The following GNAQ variants were observed in gnomAD, a reference collection of about 807,000 sequenced individuals.
GNAQ encodes the protein guanine nucleotide-binding protein G(q) subunit alpha.
GNAQ carries 8 observed loss-of-function variants against 43.9 expected under a neutral mutation model. The observed-to-expected ratio is 0.18, with a 90% CI of 0.11 to 0.33. The LOEUF (loss-of-function observed/expected upper bound fraction) is 0.33, where lower values mean the gene tolerates loss of function less well. GNAQ is among the 10% of genes least tolerant of loss of function. The probability of loss-of-function intolerance (pLI) is 1.00; values close to 1 mark genes in which losing one functional copy is unlikely to be tolerated. For missense variants in GNAQ, 158 were observed against 450.8 expected (o/e 0.35, Z 5.88); for synonymous variants, 155 against 170.7 (o/e 0.91, Z 0.71).
intron 1 of GNAQ, among the ~76,000 whole-genome samples, chr9:77,995,470 G>A (rs903293511): frequency 6.6e-6 from 1 of 152,140 alleles, no homozygotes; most frequent in Admixed American, 6.6e-5. Flanking sequence ...GTGAGAGGGT[G>A]AGGGCAGAAG....
intron 1 of GNAQ, among the ~76,000 whole-genome samples, chr9:78,017,303 C>A (rs746920671): frequency 7.9e-5 from 12 of 152,264 alleles, no homozygotes; most frequent in Non-Finnish European, 1.2e-4. Flanking sequence ...TCAAAACTGG[C>A]TTTCGTGAGC....
At position 78,007,946 on chromosome 9, in the gene GNAQ, C is replaced by T. The variant is rs528501794; in HGVS notation, c.136+23154G>A. 2.0e-5 allele frequency among the ~76,000 whole-genome samples: 3 copies of T among 152,156 alleles called. No individual in the cohort carries two copies. In the East Asian group the frequency reaches 5.8e-4, roughly 29 times the overall value. On this transcript the variant is annotated intron_variant, in intron 1 of 6. Coordinates refer to ENST00000286548, the MANE Select transcript of GNAQ (RefSeq NM_002072.5). ...CAATTTTTAAACACTGGTGTGAAGG[C>T]CAAAATTTTTTTTGGAATAATTCTC...
intron 2 of GNAQ, among the ~76,000 whole-genome samples, chr9:77,857,541 G>A: frequency 7.2e-6 from 1 of 139,210 alleles, no homozygotes; most frequent in Non-Finnish European, 1.6e-5. Flanking sequence ...AGGGAAGAAG[G>A]AAGGGAGGGA....
intron 5 of GNAQ, among the ~76,000 whole-genome samples, chr9:77,778,234 C>T (rs565165150): frequency 3.9e-5 from 6 of 151,922 alleles, no homozygotes; most frequent in Admixed American, 2.0e-4. Context: ...CACACACACA[C>T]ACACACACGT....
chr9:78,010,069 G>C (rs1241425378), intron 1 of GNAQ, among the ~76,000 whole-genome samples: 1 of 152,152 alleles, frequency 6.6e-6, no homozygotes, highest in African/African-American at 2.4e-5. Flanking sequence ...CGAATGTCAG[G>C]GAGGAAAGAC....
intron 1 of GNAQ, among the ~76,000 whole-genome samples, chr9:77,997,581 G>T (rs1038733025): frequency 1.3e-5 from 2 of 152,086 alleles, no homozygotes; most frequent in African/African-American, 2.4e-5. Context: ...TGATCAGAAC[G>T]GGATCCCCTT....
At chr9:77,851,546 G>A (rs1827676137) in intron 2 of GNAQ, among the ~76,000 whole-genome samples, 1 of 152,202 alleles carries the variant, frequency 6.6e-6, no homozygotes, top group African/African-American at 2.4e-5. Context: ...GTGACATCAA[G>A]TGAGTCTTAA....
At chr9:77,964,303 G>A (rs1426260483) in intron 1 of GNAQ, among the ~76,000 whole-genome samples, 2 of 152,012 alleles carry the variant, frequency 1.3e-5, no homozygotes. Flanking sequence ...AGAGAGAAAC[G>A]GACAAGTCTA....
intron 2 of GNAQ, among the ~76,000 whole-genome samples, chr9:77,864,625 AC>A (rs914310778): frequency 1.8e-4 from 27 of 152,302 alleles, no homozygotes; most frequent in Middle Eastern, 3.4e-3. Context: ...CCTGGAAAAG[AC>A]AAGAAAACGG....
At chr9:77,984,048 G>GAAAAAAAAAAAAA (rs1564170418) in intron 1 of GNAQ, among the ~76,000 whole-genome samples, 1 of 24,728 alleles carries the variant, frequency 4.0e-5, no homozygotes, top group African/African-American at 2.1e-4. Flanking sequence ...ATTTTGGAGA[G>GAAAAAAAAAAAAA]CAAAAAAAAA....
In GNAQ at chr9:77,806,610, C is replaced by T. The variant is rs562866797; in HGVS notation, c.477-8962G>A. On this transcript the variant is annotated intron_variant, in intron 3 of 6. Coordinates refer to ENST00000286548, the MANE Select transcript of GNAQ (RefSeq NM_002072.5). ...ACTGTAGTCACTGGAGAATAGTGTG[C>T]AGTAGAGGTGGGGATGGGTTACTCT... Among the ~76,000 whole-genome samples the T allele has an allele frequency of 3.3e-5, 5 of 152,208 alleles. No individual in the cohort carries two copies. In the South Asian group the frequency reaches 1.0e-3, roughly 32 times the overall value.
chr9:77,718,726 ATTT>A lies in GNAQ; in HGVS notation c.*2594_*2596del, dbSNP rs754786107. ...GTAGGCCTTCAAATGTTGTTGTTTA[ATTT>A]TTTTTTTTTTTTTTTTTTTTTTTGC... On this transcript the variant is annotated 3_prime_UTR_variant, in exon 7 of 7. Transcript: ENST00000286548. The A allele has an allele frequency of 7.5e-3, 847 of 113,206 alleles. No individual in the cohort carries two copies. The highest frequency in any genetic ancestry group is 0.018 in the Middle Eastern group (5 of 282). 7.0% of individuals were successfully genotyped at this position (113,206 alleles called of 1,614,324 possible).
chr9:77,928,382 C>T (rs2118296928), intron 1 of GNAQ, among the ~76,000 whole-genome samples: 1 of 152,288 alleles, frequency 6.6e-6, no homozygotes, highest in Admixed American at 6.5e-5. Context: ...CAGAACAGAA[C>T]TGAATTTAGT....
At chr9:77,885,892 C>G (rs1404406199) in intron 2 of GNAQ, among the ~76,000 whole-genome samples, 1 of 151,968 alleles carries the variant, frequency 6.6e-6, no homozygotes, top group Non-Finnish European at 1.5e-5. Flanking sequence ...AAAATAAAAG[C>G]CTTCCCCTTA....
chr9:77,970,882 A>T (rs1823229217), intron 1 of GNAQ, among the ~76,000 whole-genome samples: 3 of 152,010 alleles, frequency 2.0e-5, no homozygotes, highest in Admixed American at 2.0e-4. Context: ...AACAAAATAG[A>T]CCCCTAATAA....
intron 1 of GNAQ, among the ~76,000 whole-genome samples, chr9:77,927,195 C>G (rs918672733): frequency 2.6e-5 from 4 of 152,182 alleles, no homozygotes; most frequent in Admixed American, 2.0e-4. Flanking sequence ...GTCTGATTCA[C>G]ATAAGCCATA....
chr9:77,849,593 C>T (rs1226653824), intron 2 of GNAQ, among the ~76,000 whole-genome samples: 2 of 152,168 alleles, frequency 1.3e-5, no homozygotes, highest in Admixed American at 6.5e-5. Flanking sequence ...CTTCCCCCAT[C>T]CTGTTGTAAT....
intron 2 of GNAQ, among the ~76,000 whole-genome samples, chr9:77,872,555 A>C (rs546244581): frequency 6.6e-6 from 1 of 152,340 alleles, no homozygotes; most frequent in Non-Finnish European, 1.5e-5. Flanking sequence ...CCCATAATAC[A>C]AACATATATT....
intron 3 of GNAQ, among the ~76,000 whole-genome samples, chr9:77,811,029 A>G (rs1826913001): frequency 6.6e-6 from 1 of 152,132 alleles, no homozygotes. Context: ...GAATCTCACA[A>G]CCACTAGAGT....
Sources: gnomAD v4.1 joint callset for allele counts (sites outside exome capture counted in the v4.1 genomes callset) on GRCh38, gnomAD v4.1.1 for gene constraint, MANE v1.5 for transcripts, NCBI Gene and HGNC (gene_info 2026-07-23, HGNC 2026-07-21) for gene names.